CFAP61: variants seen among roughly 807,000 people sequenced by gnomAD.
CFAP61 encodes the protein cilia and flagella associated protein 61.
A neutral mutation model predicts 135.6 loss-of-function variants in CFAP61; 107 were observed. The ratio of observed to expected loss-of-function variants is 0.79; its 90% confidence interval spans 0.67 to 0.93. CFAP61 has a LOEUF of 0.93. CFAP61 is among the 40% of genes least tolerant of loss of function. The probability of loss-of-function intolerance (pLI) is 0.00; values close to 1 mark genes in which losing one functional copy is unlikely to be tolerated. For missense variants in CFAP61, 1,507 were observed against 1,556.2 expected, an observed-to-expected ratio of 0.97 and a Z score of 0.53; for synonymous variants, 575 against 578.5, an observed-to-expected ratio of 0.99 and a Z score of 0.09.
At chr20:20,061,838 C>G (rs899589476) in intron 2 of CFAP61, among the ~76,000 whole-genome samples, 1 of 152,136 alleles carries the variant, frequency 6.6e-6, no homozygotes, top group Admixed American at 6.5e-5. Context: ...CAGGCCCAAG[C>G]GTTAAGATGG....
intron 17 of CFAP61, among the ~76,000 whole-genome samples, chr20:20,225,111 C>T (rs2048648094): frequency 6.6e-6 from 1 of 152,030 alleles, no homozygotes; most frequent in African/African-American, 2.4e-5. Flanking sequence ...AAATATTCTG[C>T]TTTCATTAAA....
intron 19 of CFAP61, among the ~76,000 whole-genome samples, chr20:20,248,739 T>G (rs2050657662): frequency 6.6e-6 from 1 of 152,210 alleles, no homozygotes; most frequent in Admixed American, 6.5e-5. Flanking sequence ...AGGTCTCCAC[T>G]GACTCATCTG....
intron 20 of CFAP61, among the ~76,000 whole-genome samples, chr20:20,254,027 TCCTCCCCTCCACTCC>T (rs2051249151): frequency 6.6e-5 from 1 of 15,254 alleles, no homozygotes; most frequent in East Asian, 1.9e-3. Flanking sequence ...CTCTCCCCTT[TCCTCCCCTCCACTCC>T]CCTCCCCTCC....
chr20:20,181,487 T>A (rs1359435824), intron 13 of CFAP61, among the ~76,000 whole-genome samples: 1 of 151,914 alleles, frequency 6.6e-6, no homozygotes, highest in African/African-American at 2.4e-5. Context: ...GTGAAGCAGG[T>A]GACCCAGACT....
chr20:20,300,609 T>G (rs1370270340), intron 25 of CFAP61, among the ~76,000 whole-genome samples: 2 of 150,604 alleles, frequency 1.3e-5, no homozygotes, highest in Non-Finnish European at 3.0e-5. Context: ...TTTTTTTTGT[T>G]TTTTTTTTTT....
At chr20:20,134,012 T>TACTA (rs747707054) in intron 8 of CFAP61, among the ~76,000 whole-genome samples, 75 of 152,240 alleles carry the variant, frequency 4.9e-4, no homozygotes, top group Non-Finnish European at 3.4e-4. Flanking sequence ...GCATCCCATA[T>TACTA]ACTAGACTTT....
chr20:20,345,686 C>CA (rs2058602801), intron 26 of CFAP61, among the ~76,000 whole-genome samples: 2 of 151,934 alleles, frequency 1.3e-5, no homozygotes, highest in Non-Finnish European at 2.9e-5. Flanking sequence ...TCTGGGAGGA[C>CA]AAGGCAGGCA....
At chr20:20,278,976 A>G (rs2053981528) in intron 22 of CFAP61, among the ~76,000 whole-genome samples, 1 of 152,210 alleles carries the variant, frequency 6.6e-6, no homozygotes, top group Non-Finnish European at 1.5e-5. Flanking sequence ...CTATACATGT[A>G]TGTCATGACA....
At chr20:20,265,785 C>A in intron 21 of CFAP61, 1 of 287,876 alleles carries the variant, frequency 3.5e-6, no homozygotes. Context: ...CAAGTAAATT[C>A]TCAAGTAAAA....
chr20:20,068,656 C>T (rs1459248814), intron 2 of CFAP61, among the ~76,000 whole-genome samples: 11 of 152,330 alleles, frequency 7.2e-5, no homozygotes, highest in South Asian at 4.1e-4. Context: ...TTCCCAAAGA[C>T]GCCCGTACAT....
intron 3 of CFAP61, 149 bp downstream of exon 3, chr20:20,071,153 G>A: frequency 2.4e-6 from 2 of 836,914 alleles, no homozygotes; most frequent in Non-Finnish European, 3.6e-6. Context: ...GAGGAAAAGA[G>A]GGCTGAGAGT....
chr20:20,061,963 G>A (rs1466133253), intron 2 of CFAP61, among the ~76,000 whole-genome samples: 1 of 152,124 alleles, frequency 6.6e-6, no homozygotes, highest in Non-Finnish European at 1.5e-5. Flanking sequence ...TTGAACCCTG[G>A]GTCCCTCTGG....
Position 20,075,262 on chromosome 20 carries a change from GC to G in CFAP61, c.439+9del. 1 of 1,613,784 alleles carries G rather than the reference GC, an allele frequency of 6.2e-7. No homozygotes were observed. The highest frequency in any genetic ancestry group is 8.5e-7 in the Non-Finnish European group (1 of 1,179,764). ...GCCATCCTACATGAGCCTAGGTAAG[GC>G]CCGCCCAACCACCTCTGGTCCCCGG... On this transcript the variant is annotated splice_region_variant and intron_variant, in intron 5 of 26. Coordinates refer to ENST00000245957, the MANE Select transcript of CFAP61 (RefSeq NM_015585.4).
At position 20,251,748 on chromosome 20, in the gene CFAP61, C is replaced by T. The variant is rs761712376; in HGVS notation, c.2313C>T (p.Thr771=). ...CCTACGACCACCTCATCCTCTGCAC[C>T]GGGCAGCAGTACCAGGTAAGGCCGG... ...IVPYDHLILC[T]GQQYQVPCPT... The change falls in exon 20 of 27, where the codon ACC becomes ACT. Residue 771 remains threonine (T), a synonymous_variant. Coordinates refer to ENST00000245957, the MANE Select transcript of CFAP61 (RefSeq NM_015585.4). The T allele has an allele frequency of 2.5e-5, 41 of 1,613,662 alleles. No homozygotes were observed. Among genetic ancestry groups the T allele is most frequent in the East Asian group, 6.7e-5 (3 of 44,870 alleles).
At chr20:20,357,111 C>G (rs1217636758) in intron 26 of CFAP61, among the ~76,000 whole-genome samples, 35 of 101,612 alleles carry the variant, frequency 3.4e-4, no homozygotes, top group East Asian at 6.5e-4. Flanking sequence ...GGTGGTCATA[C>G]TGTGAGTGAG....
chr20:20,230,437 T>A lies in CFAP61; in HGVS notation c.2060+2061T>A, dbSNP rs186766210. ...CATTTGAACTTAATTTTATACATGA[T>A]TTGAGCTGAAATGAAGAAATACAGT... On this transcript the variant is annotated intron_variant, in intron 18 of 26. Coordinates refer to ENST00000245957, the MANE Select transcript of CFAP61 (RefSeq NM_015585.4). 4.2e-4 allele frequency among the ~76,000 whole-genome samples: 64 copies of A among 152,324 alleles called. No homozygotes were observed. The East Asian group carries it at 0.012, about 28-fold the overall frequency.
Position 20,090,929 on chromosome 20 carries a change from G to T in CFAP61, c.652G>T (p.Glu218Ter). The part of the protein sequence containing the change: ...KETYGEYFLA[E>*]LIEAQDEENH... ...AACTTACGGTGAATACTTCCTGGCC[G>T]AACTAATAGAGGCCCAAGATGAAGA... The change falls in exon 7 of 27, where the codon GAA becomes TAA. Residue 218 changes from glutamate (E) to a stop codon, truncating the protein, a stop_gained. Transcript: ENST00000245957. LOFTEE classifies it high-confidence loss of function. The T allele has an allele frequency of 6.2e-7, 1 of 1,614,066 alleles. No homozygotes were observed. The highest frequency in any genetic ancestry group is 8.5e-7 in the Non-Finnish European group (1 of 1,179,974).
intron 2 of CFAP61, among the ~76,000 whole-genome samples, chr20:20,068,702 C>G (rs2045492004): frequency 6.6e-6 from 1 of 152,168 alleles, no homozygotes; most frequent in African/African-American, 2.4e-5. Context: ...TTGCTACATG[C>G]AGGAAAAATT....
At chr20:20,179,145 G>A (rs1001476689) in intron 13 of CFAP61, among the ~76,000 whole-genome samples, 1 of 152,038 alleles carries the variant, frequency 6.6e-6, no homozygotes, top group African/African-American at 2.4e-5. Flanking sequence ...TCTCTGCCCC[G>A]AAGCTCCTTA....
Sources: gnomAD v4.1 joint callset for allele counts (sites outside exome capture counted in the v4.1 genomes callset) on GRCh38, gnomAD v4.1.1 for gene constraint, MANE v1.5 for transcripts, NCBI Gene and HGNC (gene_info 2026-07-23, HGNC 2026-07-21) for gene names.